LRRC72: variants seen among roughly 807,000 people sequenced by gnomAD.
The protein encoded by LRRC72 is leucine-rich repeat-containing protein 72.
LRRC72 carries 41 observed loss-of-function variants against 35.8 expected under a neutral mutation model. That is an observed-to-expected ratio of 1.15 (90% CI 0.89 to 1.49). The LOEUF is 1.49. Ranked by LOEUF, LRRC72 falls within the 40% of genes most tolerant of loss-of-function variation. LRRC72 has a pLI of 0.00. For synonymous variants in LRRC72, 118 were observed against 119.2 expected (o/e 0.99, Z 0.07); for missense variants, 389 against 330.7 (o/e 1.18, Z -1.37).
rs527666560 is a variant in LRRC72 at position 16,526,980 on chromosome 7, C to T, written c.28C>T (p.Arg10Cys). The change falls in exon 1 of 9, where the codon CGT (arginine) becomes TGT (cysteine). Residue 10 changes from arginine (R) to cysteine (C), a missense_variant. Arg to Cys is a radical substitution (Grantham distance 180). Transcript: ENST00000401542. MSWDPNPVPRTLRCWRLRRA... is the reference protein window; with the variant it reads MSWDPNPVPCTLRCWRLRRA... ...GTCCTGGGACCCGAACCCCGTGCCC[C>T]GTACCTTGCGATGCTGGCGCCTACG... 800 of 1,540,000 alleles carry T rather than the reference C, an allele frequency of 5.2e-4. 3 individuals carry two copies. In the African/African-American group the frequency reaches 9.6e-3, roughly 19 times the overall value.
chr7:16,552,469 G>C (rs1028145232), intron 3 of LRRC72, among the ~76,000 whole-genome samples: 5 of 152,166 alleles, frequency 3.3e-5, no homozygotes, highest in African/African-American at 1.2e-4. Flanking sequence ...AGGAGAAAAC[G>C]GAATGCTGAA....
At chr7:16,564,237 A>G (rs1348939495) in intron 5 of LRRC72, among the ~76,000 whole-genome samples, 1 of 152,204 alleles carries the variant, frequency 6.6e-6, no homozygotes, top group African/African-American at 2.4e-5. Flanking sequence ...AGTAACCACA[A>G]AGCAGACTTC....
At chr7:16,580,810 C>T (rs1452485930) in intron 8 of LRRC72, among the ~76,000 whole-genome samples, 4 of 152,112 alleles carry the variant, frequency 2.6e-5, no homozygotes, top group African/African-American at 9.7e-5. Context: ...AAGCACCTCA[C>T]TAATACTATG....
rs1363410442 is a variant in LRRC72, at chr7:16,558,961, T to C, written c.389T>C (p.Val130Ala). The change falls in exon 5 of 9, where the codon GTG becomes GCG. Residue 130 changes from valine to alanine, a missense_variant. Physicochemically the swap from Val to Ala is moderately conservative, Grantham distance 64. Transcript: ENST00000401542. ...GAGCTAACCAACATTGATGCAACAG[T>C]GAAGGAATTAAAGGGAATGCTAAAT... ...HNELTNIDATVKELKGMLNLK... is the reference protein window; with the variant it reads ...HNELTNIDATAKELKGMLNLK... 2.6e-6 allele frequency: 4 copies of C among 1,535,798 alleles called. No individual in the cohort carries two copies. The highest frequency in any genetic ancestry group is 1.7e-4 in the Middle Eastern group (1 of 5,928).
At chr7:16,579,091 G>C (rs1422287801) in intron 7 of LRRC72, among the ~76,000 whole-genome samples, 1 of 152,172 alleles carries the variant, frequency 6.6e-6, no homozygotes, top group Non-Finnish European at 1.5e-5. Flanking sequence ...AGTTTACTAA[G>C]AGAGTAGATC....
Position 16,559,651 on chromosome 7 carries a change from C to T in LRRC72, c.427+652C>T, listed in dbSNP as rs112737354. 1.5e-3 allele frequency among the ~76,000 whole-genome samples: 225 copies of T among 152,116 alleles called. 1 individual carries two copies. Among genetic ancestry groups the T allele is most frequent in the African/African-American group, 5.1e-3 (213 of 41,514 alleles). On this transcript the variant is annotated intron_variant, in intron 5 of 8. Coordinates refer to ENST00000401542, the MANE Select transcript of LRRC72 (RefSeq NM_001195280.2). The stretch of plus-strand genomic sequence containing the variant: ...GTAGGCACATCTATAGGGACAGCAA[C>T]ACCGAGAGGTAACTGTTTTTAAATA...
At position 16,537,310 on chromosome 7, in the gene LRRC72, C is replaced by G. The variant is rs185013314; in HGVS notation, c.165-317C>G. 2.1e-3 allele frequency among the ~76,000 whole-genome samples: 322 copies of G among 152,236 alleles called. 3 individuals carry two copies. Among genetic ancestry groups the G allele is most frequent in the Non-Finnish European group, 7.1e-4 (48 of 68,008 alleles). Reference sequence around the variant, plus strand: ...AGTACAGTATCAGCTTCACTTTTTTCCTTTGTCCTCTCCCCAGTAAAACTT... The same window carrying G: ...AGTACAGTATCAGCTTCACTTTTTTGCTTTGTCCTCTCCCCAGTAAAACTT... On this transcript the variant is annotated intron_variant, in intron 2 of 8. Coordinates refer to ENST00000401542, the MANE Select transcript of LRRC72 (RefSeq NM_001195280.2).
At chr7:16,527,944 G>A (rs556410827) in intron 1 of LRRC72, among the ~76,000 whole-genome samples, 1 of 152,228 alleles carries the variant, frequency 6.6e-6, no homozygotes, top group Admixed American at 6.5e-5. Context: ...AGAAGCAGCT[G>A]CTGTTCTCCC....
intron 7 of LRRC72, among the ~76,000 whole-genome samples, chr7:16,570,265 G>C (rs10238975): frequency 0.027 from 4,147 of 152,256 alleles, 184 homozygotes; most frequent in African/African-American, 0.095. Flanking sequence ...TGAGTTGTGT[G>C]CAGGACACAA....
At chr7:16,551,845 G>A (rs1438085782) in intron 3 of LRRC72, among the ~76,000 whole-genome samples, 1 of 152,164 alleles carries the variant, frequency 6.6e-6, no homozygotes, top group African/African-American at 2.4e-5. Flanking sequence ...CCAAGGAGGG[G>A]GTAATGGGGA....
chr7:16,573,856 G>C (rs1048524356), intron 7 of LRRC72, among the ~76,000 whole-genome samples: 1 of 152,212 alleles, frequency 6.6e-6, no homozygotes, highest in Non-Finnish European at 1.5e-5. Context: ...TGTCATCAGA[G>C]TGAATAGGCA....
At chr7:16,552,662 A>C (rs1053087432) in intron 3 of LRRC72, among the ~76,000 whole-genome samples, 1 of 152,212 alleles carries the variant, frequency 6.6e-6, no homozygotes, top group Non-Finnish European at 1.5e-5. Context: ...AACATAGGAC[A>C]GTTCCTGGAA....
chr7:16,532,528 A>C lies in LRRC72; in HGVS notation c.124A>C (p.Arg42=). ...AGATCAGCTAAAGATATGTGGCCAC[A>C]GGAGGGATGCTGATGTCTTTGAGCT... The part of the protein sequence containing the change: ...VEDQLKICGH[R]RDADVFELFL... The change falls in exon 2 of 9, where the codon AGG becomes CGG. Residue 42 remains arginine (R), a synonymous_variant. Transcript: ENST00000401542. 1 of 1,550,238 alleles carries C rather than the reference A, an allele frequency of 6.5e-7. No individual in the cohort carries two copies. Among genetic ancestry groups the C allele is most frequent in the Non-Finnish European group, 8.7e-7 (1 of 1,146,582 alleles).
At chr7:16,547,265 G>A (rs903487139) in intron 3 of LRRC72, among the ~76,000 whole-genome samples, 1 of 152,182 alleles carries the variant, frequency 6.6e-6, no homozygotes, top group Non-Finnish European at 1.5e-5. Flanking sequence ...ATGGGGCCAG[G>A]CCGAGTCACC....
chr7:16,570,761 AG>A (rs1355883678), intron 7 of LRRC72, among the ~76,000 whole-genome samples: 3 of 152,186 alleles, frequency 2.0e-5, no homozygotes, highest in Non-Finnish European at 2.9e-5. Flanking sequence ...TGGAGGTTGC[AG>A]TGAGCCAAGA....
At chr7:16,577,960 G>T (rs1179443374) in intron 7 of LRRC72, among the ~76,000 whole-genome samples, 1 of 152,104 alleles carries the variant, frequency 6.6e-6, no homozygotes, top group Non-Finnish European at 1.5e-5. Flanking sequence ...TGACCATATG[G>T]CAGTATCCAC....
At chr7:16,581,175 A>G (rs1783134861) in intron 8 of LRRC72, 149 bp from the exon 9 acceptor site, 2 of 518,014 alleles carry the variant, frequency 3.9e-6, no homozygotes, top group Non-Finnish European at 3.2e-6. Flanking sequence ...GTCATTTGTC[A>G]GTGGAGCCCG....
intron 3 of LRRC72, among the ~76,000 whole-genome samples, chr7:16,543,027 G>A (rs1782384532): frequency 6.6e-6 from 1 of 152,178 alleles, no homozygotes; most frequent in Non-Finnish European, 1.5e-5. Flanking sequence ...TTTTCTTATT[G>A]ATCAGTAATT....
intron 7 of LRRC72, among the ~76,000 whole-genome samples, chr7:16,575,130 AGGAGGGAG>A (rs537455420): frequency 2.0e-5 from 2 of 100,168 alleles, no homozygotes; most frequent in Non-Finnish European, 3.9e-5. Context: ...AAGAAAGAAA[AGGAGGGAG>A]GGAGGGAGGG....
Sources: allele counts gnomAD v4.1 joint callset (sites outside exome capture counted in the v4.1 genomes callset), GRCh38; gene constraint gnomAD v4.1.1; transcripts MANE v1.5; gene names NCBI Gene and HGNC (gene_info 2026-07-23, HGNC 2026-07-21).